NRXN1: variants seen among roughly 807,000 people sequenced by gnomAD.
NRXN1 encodes the protein neurexin-1.
NRXN1 carries 39 observed loss-of-function variants against 150.9 expected under a neutral mutation model. The ratio of observed to expected loss-of-function variants is 0.26; its 90% confidence interval spans 0.20 to 0.34. NRXN1 has a LOEUF of 0.34. Ranked by LOEUF, NRXN1 falls within the 10% of genes least tolerant of loss-of-function variation. The pLI is 1.00. For missense variants in NRXN1, 1,815 were observed against 1,949.9 expected (o/e 0.93, Z 1.30); for synonymous variants, 924 against 757.0 (o/e 1.22, Z -3.62).
At chr2:50,505,263 G>A (rs975184940) in intron 13 of NRXN1, among the ~76,000 whole-genome samples, 2 of 152,030 alleles carry the variant, frequency 1.3e-5, no homozygotes, top group African/African-American at 4.8e-5. Flanking sequence ...TCTCTCCTCA[G>A]ATCTCGTAAC....
chr2:51,021,774 T>A (rs543399722), intron 2 of NRXN1, among the ~76,000 whole-genome samples: 17 of 152,164 alleles, frequency 1.1e-4, no homozygotes, highest in South Asian at 4.1e-4. Flanking sequence ...TGATAGACAA[T>A]GTACTATAAA....
intron 18 of NRXN1, among the ~76,000 whole-genome samples, chr2:50,176,529 C>T (rs1396405685): frequency 6.6e-6 from 1 of 152,078 alleles, no homozygotes; most frequent in Non-Finnish European, 1.5e-5. Flanking sequence ...TGTCTTCAGA[C>T]ATTGTCAAAT....
At chr2:50,106,084 A>G (rs1241415653) in intron 18 of NRXN1, among the ~76,000 whole-genome samples, 3 of 151,848 alleles carry the variant, frequency 2.0e-5, no homozygotes, top group Non-Finnish European at 4.4e-5. Flanking sequence ...AAACATAATG[A>G]CCACTTCTTA....
chr2:50,265,059 G>A (rs898908551), intron 17 of NRXN1, among the ~76,000 whole-genome samples: 1 of 152,020 alleles, frequency 6.6e-6, no homozygotes, highest in Non-Finnish European at 1.5e-5. Flanking sequence ...ATTTCCAGAT[G>A]CCAGAAAATT....
chr2:50,240,263 T>A (rs1460751154), intron 17 of NRXN1, among the ~76,000 whole-genome samples: 1 of 151,758 alleles, frequency 6.6e-6, no homozygotes, highest in Admixed American at 6.6e-5. Flanking sequence ...TTTCCTTTTT[T>A]CCCACCAGAT....
chr2:50,505,268 C>T (rs533371092), intron 13 of NRXN1, among the ~76,000 whole-genome samples: 22 of 152,238 alleles, frequency 1.4e-4, no homozygotes, highest in African/African-American at 3.4e-4. Flanking sequence ...CCTCAGATCT[C>T]GTAACACATT....
At chr2:50,410,138 C>A (rs911446920) in intron 17 of NRXN1, among the ~76,000 whole-genome samples, 3 of 152,062 alleles carry the variant, frequency 2.0e-5, no homozygotes, top group Admixed American at 2.0e-4. Flanking sequence ...AGAAACTCGA[C>A]AATCCTATTC....
chr2:50,742,703 G>C (rs1699575348), intron 5 of NRXN1, among the ~76,000 whole-genome samples: 2 of 151,782 alleles, frequency 1.3e-5, no homozygotes, highest in African/African-American at 2.4e-5. Flanking sequence ...CATGAAATAA[G>C]CATCATAATA....
At chr2:50,100,717 T>G (rs181571779) in intron 18 of NRXN1, among the ~76,000 whole-genome samples, 15 of 152,096 alleles carry the variant, frequency 9.9e-5, no homozygotes, top group Non-Finnish European at 1.9e-4. Flanking sequence ...TAAAGCTACC[T>G]TAGCCTCTTG....
At chr2:50,048,746 T>C (rs1183209938) in intron 21 of NRXN1, among the ~76,000 whole-genome samples, 1 of 152,186 alleles carries the variant, frequency 6.6e-6, no homozygotes, top group Non-Finnish European at 1.5e-5. Context: ...AATCTACCAA[T>C]GATATTTCTT....
chr2:50,850,778 C>T (rs1189607245), intron 5 of NRXN1, among the ~76,000 whole-genome samples: 1 of 151,770 alleles, frequency 6.6e-6, no homozygotes, highest in Non-Finnish European at 1.5e-5. Context: ...TGCGAAATCA[C>T]TGGCAGAGGG....
chr2:50,141,998 CT>C (rs1358943906), intron 18 of NRXN1, among the ~76,000 whole-genome samples: 2 of 151,970 alleles, frequency 1.3e-5, no homozygotes. Context: ...ACCTGTCCCC[CT>C]ATCACCATGT....
chr2:50,329,641 A>G (rs1558536656), intron 17 of NRXN1, among the ~76,000 whole-genome samples: 4 of 6,138 alleles, frequency 6.5e-4, no homozygotes, highest in African/African-American at 5.3e-3. Flanking sequence ...ATATATATAT[A>G]TATATATATA....
At chr2:50,515,368 A>G (rs769736544) in intron 12 of NRXN1, among the ~76,000 whole-genome samples, 3 of 152,172 alleles carry the variant, frequency 2.0e-5, no homozygotes, top group Non-Finnish European at 4.4e-5. Context: ...TGTAATAGTA[A>G]TAGAAATAAG....
chr2:50,817,087 T>C (rs1669045440), intron 5 of NRXN1, among the ~76,000 whole-genome samples: 1 of 152,024 alleles, frequency 6.6e-6, no homozygotes, highest in Non-Finnish European at 1.5e-5. Flanking sequence ...TGAATTTCCA[T>C]AATTTATTTA....
At chr2:50,794,565 C>T (rs999685391) in intron 5 of NRXN1, among the ~76,000 whole-genome samples, 1 of 152,054 alleles carries the variant, frequency 6.6e-6, no homozygotes, top group African/African-American at 2.4e-5. Context: ...ATCAAATCTG[C>T]ATTGTAATTT....
At chr2:50,303,403 A>C (rs1435804334) in intron 17 of NRXN1, among the ~76,000 whole-genome samples, 1 of 152,174 alleles carries the variant, frequency 6.6e-6, no homozygotes, top group African/African-American at 2.4e-5. Context: ...AAATTAATTG[A>C]AACTCATGTA....
intron 5 of NRXN1, among the ~76,000 whole-genome samples, chr2:50,825,491 T>C (rs1285248555): frequency 6.6e-6 from 1 of 152,180 alleles, no homozygotes; most frequent in Non-Finnish European, 1.5e-5. Flanking sequence ...GCCTATGTAA[T>C]GAAGCTTCCA....
chr2:50,934,910 T>A (rs1216415787), intron 2 of NRXN1, among the ~76,000 whole-genome samples: 1 of 152,188 alleles, frequency 6.6e-6, no homozygotes, highest in East Asian at 1.9e-4. Flanking sequence ...TTATTACTCT[T>A]TTCATCATAA....
Sources: allele counts gnomAD v4.1 joint callset (sites outside exome capture counted in the v4.1 genomes callset), GRCh38; gene constraint gnomAD v4.1.1; transcripts MANE v1.5; gene names NCBI Gene and HGNC (gene_info 2026-07-23, HGNC 2026-07-21).